The following CBFA2T3 variants were observed in gnomAD, a reference collection of about 807,000 sequenced individuals.
The protein encoded by CBFA2T3 is transcriptional corepressor CBFA2T3.
CBFA2T3 carries 31 observed loss-of-function variants against 58.6 expected under a neutral mutation model. That is an observed-to-expected ratio of 0.53 (90% CI 0.40 to 0.71). CBFA2T3 has a LOEUF of 0.71. Ranked by LOEUF, CBFA2T3 falls within the 30% of genes least tolerant of loss-of-function variation. The probability of loss-of-function intolerance (pLI) is 0.00; values close to 1 mark genes in which losing one functional copy is unlikely to be tolerated. For missense variants in CBFA2T3, 1,076 were observed against 963.1 expected (o/e 1.12, Z -1.55); for synonymous variants, 531 against 421.9 (o/e 1.26, Z -3.17).
intron 1 of CBFA2T3, among the ~76,000 whole-genome samples, chr16:88,927,003 G>A (rs1418304418): frequency 6.6e-6 from 1 of 152,190 alleles, no homozygotes; most frequent in Non-Finnish European, 1.5e-5. Context: ...GGCACGCGTG[G>A]TCCTTCCCTC....
Position 88,881,384 on chromosome 16 carries a change from G to C in CBFA2T3, c.1309C>G (p.Arg437Gly). ...DREELNHWAR[R>G]YSDAEDTKKG... The stretch of plus-strand genomic sequence containing the variant: ...TTTGTGTCCTCGGCGTCGCTGTAGC[G>C]CCGCGCCCAGTGGTTGAGCTCCTCG... Residue 437 changes from arginine (R) to glycine (G), a missense_variant, in exon 9 of 12, where the codon CGC (arginine) becomes GGC (glycine). Physicochemically the swap from Arg to Gly is moderately radical, Grantham distance 125. Coordinates refer to ENST00000268679, the MANE Select transcript of CBFA2T3 (RefSeq NM_005187.6). The C allele has an allele frequency of 1.3e-6, 2 of 1,597,224 alleles. No homozygotes were observed. Among genetic ancestry groups the C allele is most frequent in the East Asian group, 2.3e-5 (1 of 44,134 alleles).
chr16:88,941,292 G>T, intron 1 of CBFA2T3: 1 of 437,564 alleles, frequency 2.3e-6, no homozygotes, highest in Non-Finnish European at 3.0e-6. Context: ...CGCGGCCCGC[G>T]CCGGGTCCAG....
In CBFA2T3 at chr16:88,888,222, G is replaced by A. The variant is rs1294955499; in HGVS notation, c.712-2080C>T. Among the ~76,000 whole-genome samples the A allele has an allele frequency of 2.6e-5, 4 of 151,614 alleles. No individual in the cohort carries two copies. The East Asian group carries it at 6.0e-4, about 23-fold the overall frequency. ...CCACTCTCTCCGGCCCCTCAGCCAC[G>A]ATTCCTGCCGTTTCTAGGATGATGT... is the stretch of plus-strand genomic sequence containing the variant. On this transcript the variant is annotated intron_variant, in intron 5 of 11. Transcript: ENST00000268679.
Position 88,892,600 on chromosome 16 carries a change from C to G in CBFA2T3, c.380-115G>C. 3.3e-6 allele frequency: 4 copies of G among 1,210,752 alleles called. No homozygotes were observed. The Admixed American group carries it at 6.8e-5, about 20-fold the overall frequency. The allele number at this position is 1,210,752 out of a possible 1,614,324, so 75.0% of individuals were successfully genotyped here. On this transcript the variant is annotated intron_variant, in intron 3 of 11. Transcript: ENST00000268679. ...GTGACAATGTCAAAAGTGACGGCAA[C>G]AATGATGAGACACAAGGACAGTAGC...
chr16:88,920,867 C>T lies in CBFA2T3; in HGVS notation c.152-19211G>A, dbSNP rs569102917. Among the ~76,000 whole-genome samples the T allele has an allele frequency of 9.5e-4, 144 of 152,340 alleles. 1 individual carries two copies. The highest frequency in any genetic ancestry group is 3.4e-3 in the African/African-American group (140 of 41,588). On this transcript the variant is annotated intron_variant, in intron 1 of 11. Transcript: ENST00000268679. ...GGCTGCCTCCCGCCCTCCTGGAGGC[C>T]AAGCCCCTCGCCAGGGGGCTACATT...
intron 1 of CBFA2T3, among the ~76,000 whole-genome samples, chr16:88,917,688 C>G (rs1970781689): frequency 6.6e-6 from 1 of 152,210 alleles, no homozygotes; most frequent in South Asian, 2.1e-4. Flanking sequence ...TCTGGCGGCT[C>G]ATGGTGCCCC....
chr16:88,892,026 C>G, intron 4 of CBFA2T3, 55 bp from the exon 5 acceptor site: 1 of 1,488,144 alleles, frequency 6.7e-7, no homozygotes, highest in Non-Finnish European at 9.3e-7. Context: ...TGAGCCAGCG[C>G]CGACCCACCC....
chr16:88,910,077 C>G (rs993010989), intron 1 of CBFA2T3, among the ~76,000 whole-genome samples: 4 of 152,216 alleles, frequency 2.6e-5, no homozygotes, highest in Non-Finnish European at 5.9e-5. Context: ...TCTGGCCTCA[C>G]CAGCTGTCCC....
chr16:88,926,351 C>T (rs557628680), intron 1 of CBFA2T3, among the ~76,000 whole-genome samples: 5 of 152,338 alleles, frequency 3.3e-5, no homozygotes, highest in African/African-American at 9.6e-5. Flanking sequence ...CCACTGAAGG[C>T]CCCCCAAGCG....
At chr16:88,927,887 C>T (rs1012670341) in intron 1 of CBFA2T3, among the ~76,000 whole-genome samples, 5 of 152,230 alleles carry the variant, frequency 3.3e-5, no homozygotes, top group Non-Finnish European at 5.9e-5. Context: ...CCTCGTGACA[C>T]GCTGCGGTCA....
intron 1 of CBFA2T3, among the ~76,000 whole-genome samples, chr16:88,974,969 C>T (rs993126016): frequency 9.9e-5 from 15 of 152,160 alleles, no homozygotes; most frequent in Admixed American, 4.6e-4. Context: ...GGAATAGGGC[C>T]GGGTGGTTGC....
Position 88,944,520 on chromosome 16 carries a change from C to G in CBFA2T3, c.151+32137G>C, listed in dbSNP as rs1479695756. On this transcript the variant is annotated intron_variant, in intron 1 of 11. Coordinates refer to ENST00000268679, the MANE Select transcript of CBFA2T3 (RefSeq NM_005187.6). ...GCGGGGCAGCCCCAGCTTTGCTGACCTGTGCTGGGTGTGCCTCTGAGGCCC... is the reference window on the plus strand; with the variant it reads ...GCGGGGCAGCCCCAGCTTTGCTGACGTGTGCTGGGTGTGCCTCTGAGGCCC... Among the ~76,000 whole-genome samples the G allele has an allele frequency of 3.9e-5, 6 of 152,272 alleles. No individual in the cohort carries two copies. In the East Asian group the frequency reaches 1.2e-3, roughly 29 times the overall value.
intron 1 of CBFA2T3, 46 bp downstream of exon 1, chr16:88,976,611 G>T: frequency 7.0e-7 from 1 of 1,430,866 alleles, no homozygotes; most frequent in Non-Finnish European, 9.5e-7. Flanking sequence ...GGCACCGGCT[G>T]CCGCTCTCTG....
chr16:88,926,438 G>A (rs1323335705), intron 1 of CBFA2T3, among the ~76,000 whole-genome samples: 1 of 152,226 alleles, frequency 6.6e-6, no homozygotes, highest in Non-Finnish European at 1.5e-5. Context: ...TGTCTGCTCA[G>A]CCCTGTGCTG....
chr16:88,976,993 T>G lies in CBFA2T3; in HGVS notation c.-186A>C. 6.8e-6 allele frequency: 4 copies of G among 590,734 alleles called. No homozygotes were observed. The highest frequency in any genetic ancestry group is 6.2e-5 in the Admixed American group (2 of 32,160). The allele number at this position is 590,734 out of a possible 1,614,324, so 36.6% of individuals were successfully genotyped here. A position where few individuals can be genotyped will look rare whatever the true frequency, so the allele number is the denominator to read the frequency against. On this transcript the variant is annotated 5_prime_UTR_variant, in exon 1 of 12. Coordinates refer to ENST00000268679, the MANE Select transcript of CBFA2T3 (RefSeq NM_005187.6). ...GCCACCAACTGGGTGTCCTCTGCCC[T>G]GGGGAGGGGGTGGGAGCCCTGGGGC... is the stretch of plus-strand genomic sequence containing the variant.
At chr16:88,924,732 C>G (rs1247012298) in intron 1 of CBFA2T3, among the ~76,000 whole-genome samples, 1 of 152,204 alleles carries the variant, frequency 6.6e-6, no homozygotes, top group Non-Finnish European at 1.5e-5. Context: ...ACCCATTGCC[C>G]CAGCTGGCCG....
chr16:88,877,473 G>A (rs1456444584), intron 11 of CBFA2T3, among the ~76,000 whole-genome samples, 198 bp from the exon 12 acceptor site: 1 of 152,146 alleles, frequency 6.6e-6, no homozygotes, highest in Admixed American at 6.5e-5. Flanking sequence ...TCCCACTACC[G>A]TGTCTCACGC....
intron 1 of CBFA2T3, among the ~76,000 whole-genome samples, chr16:88,904,473 A>G (rs116043490): frequency 0.052 from 7,848 of 152,210 alleles, 317 homozygotes; most frequent in African/African-American, 0.11. Flanking sequence ...CAGGGCCAGG[A>G]CTCGGCAGGA....
At position 88,918,810 on chromosome 16, in the gene CBFA2T3, C is replaced by T. The variant is rs547056473; in HGVS notation, c.152-17154G>A. 4.7e-3 allele frequency among the ~76,000 whole-genome samples: 716 copies of T among 152,354 alleles called. 2 individuals carry two copies. Among genetic ancestry groups the T allele is most frequent in the African/African-American group, 0.016 (680 of 41,582 alleles). On this transcript the variant is annotated intron_variant, in intron 1 of 11. Transcript: ENST00000268679. ...GGGTGCCGAGAACCTTGGAGCCACA[C>T]GGCCTCCAGGGTTGGTGCTGAGAGA...
Sources: allele counts gnomAD v4.1 joint callset (sites outside exome capture counted in the v4.1 genomes callset), GRCh38; gene constraint gnomAD v4.1.1; transcripts MANE v1.5; gene names NCBI Gene and HGNC (gene_info 2026-07-23, HGNC 2026-07-21).